CORO2A: variants seen among roughly 807,000 people sequenced by gnomAD.
CORO2A encodes coronin-2A.
CORO2A carries 47 observed loss-of-function variants against 62.4 expected under a neutral mutation model. That is an observed-to-expected ratio of 0.75 (90% CI 0.60 to 0.96). The LOEUF is 0.96. CORO2A is among the 40% of genes least tolerant of loss of function. The pLI is 0.00. For synonymous variants in CORO2A, 273 were observed against 268.9 expected, an observed-to-expected ratio of 1.02 and a Z score of -0.15; for missense variants, 610 against 684.1, an observed-to-expected ratio of 0.89 and a Z score of 1.21.
chr9:98,148,646 C>A (rs7848016), intron 2 of CORO2A, among the ~76,000 whole-genome samples: 141,653 of 151,932 alleles, frequency 0.93, 66,175 homozygotes, highest in African/African-American at 0.98. Flanking sequence ...CAGGAGGCTG[C>A]CGTAAGAGGA....
chr9:98,128,216 G>A lies in CORO2A; in HGVS notation c.1125C>T (p.Ala375=). 1 of 1,613,490 alleles carries A rather than the reference G, an allele frequency of 6.2e-7. No homozygotes were observed. The highest frequency in any genetic ancestry group is 8.5e-7 in the Non-Finnish European group (1 of 1,179,678). The change falls in exon 10 of 12, where the codon GCC becomes GCT. Residue 375 remains alanine, a synonymous_variant. Transcript: ENST00000375077. ...ACTCCTGGGCCGTCAGGGAGGGCTG[G>A]GCCCCTGCTGTTGGAGGGTATATGT... ...QEDIYPPTAG[A]QPSLTAQEWL...
intron 10 of CORO2A, among the ~76,000 whole-genome samples, chr9:98,127,547 C>T (rs1313489759): frequency 1.3e-5 from 2 of 152,116 alleles, no homozygotes; most frequent in Admixed American, 6.5e-5. Context: ...CCCAGTGGCT[C>T]GCACCTGTAA....
In CORO2A at chr9:98,124,646, G is replaced by A. The variant is rs1827291015; in HGVS notation, c.*128C>T. The A allele has an allele frequency of 1.3e-5, 12 of 959,620 alleles. No homozygotes were observed. The South Asian group carries it at 2.2e-4, about 18-fold the overall frequency. 59.4% of individuals were successfully genotyped at this position (959,620 alleles called of 1,614,324 possible). On this transcript the variant is annotated 3_prime_UTR_variant, in exon 12 of 12. Transcript: ENST00000375077. ...CCCACTGGAATCTCTTTCAGCGATG[G>A]AGAGTTTTGTTTTCTGGTAAAAAAT...
intron 1 of CORO2A, among the ~76,000 whole-genome samples, chr9:98,176,100 C>T (rs1392326360): frequency 1.3e-5 from 2 of 152,052 alleles, no homozygotes; most frequent in African/African-American, 2.4e-5. Flanking sequence ...TTCCTCAAAG[C>T]GGCAATATCA....
rs955007164 is a variant in CORO2A, at chr9:98,124,714, C to G, written c.*60G>C. 6.0e-6 allele frequency: 9 copies of G among 1,500,632 alleles called. No individual in the cohort carries two copies. The highest frequency in any genetic ancestry group is 7.2e-6 in the Non-Finnish European group (8 of 1,118,836). The allele number at this position is 1,500,632 out of a possible 1,614,324, so 93.0% of individuals were successfully genotyped here. ...CCTTGAGGGGACTTGTGGTTTGGTT[C>G]TAAACCTCCCCATGGAGCCGAGTGG... On this transcript the variant is annotated 3_prime_UTR_variant, in exon 12 of 12. Coordinates refer to ENST00000375077, the MANE Select transcript of CORO2A (RefSeq NM_052820.4).
intron 2 of CORO2A, among the ~76,000 whole-genome samples, chr9:98,144,322 A>G (rs1320251536): frequency 6.6e-6 from 1 of 152,214 alleles, no homozygotes; most frequent in Non-Finnish European, 1.5e-5. Flanking sequence ...TAGTACAAGA[A>G]TTCCCCATTT....
chr9:98,144,823 A>G (rs941418900), intron 2 of CORO2A, among the ~76,000 whole-genome samples: 1 of 152,016 alleles, frequency 6.6e-6, no homozygotes, highest in Non-Finnish European at 1.5e-5. Context: ...GAGGAGGCTG[A>G]GCAAGAGGGG....
At chr9:98,159,284 A>T (rs1827851070) in intron 1 of CORO2A, among the ~76,000 whole-genome samples, 1 of 151,978 alleles carries the variant, frequency 6.6e-6, no homozygotes, top group South Asian at 2.1e-4. Flanking sequence ...CCTGATCTCA[A>T]GCAATTCTCC....
At chr9:98,139,889 G>A (rs932482030) in intron 2 of CORO2A, among the ~76,000 whole-genome samples, 1 of 152,172 alleles carries the variant, frequency 6.6e-6, no homozygotes. Flanking sequence ...CTTTCCTAAT[G>A]AGAATTCCTG....
chr9:98,144,826 A>G (rs149327659), intron 2 of CORO2A, among the ~76,000 whole-genome samples: 26 of 152,092 alleles, frequency 1.7e-4, no homozygotes, highest in African/African-American at 5.3e-4. Flanking sequence ...GAGGCTGAGC[A>G]AGAGGGGTGA....
At chr9:98,130,898 C>G (rs1462902597) in intron 7 of CORO2A, 57 bp downstream of exon 7, 3 of 1,411,676 alleles carry the variant, frequency 2.1e-6, no homozygotes, top group Admixed American at 3.6e-5. Flanking sequence ...CCCCAGGCTG[C>G]TGTCTGCCGC....
chr9:98,150,515 A>G (rs572674343), intron 2 of CORO2A, among the ~76,000 whole-genome samples: 1 of 152,258 alleles, frequency 6.6e-6, no homozygotes, highest in South Asian at 2.1e-4. Flanking sequence ...TCACCTTCCC[A>G]GGAATGCCTT....
rs189613966 is a variant in CORO2A, at chr9:98,127,471, A to G, written c.1172-648T>C. ...GGCTCAGGACAGGCAGAGTGGGCAG[A>G]GGGACCTGGGTGGGGGTTGCTGCCT... On this transcript the variant is annotated intron_variant, in intron 10 of 11. Coordinates refer to ENST00000375077, the MANE Select transcript of CORO2A (RefSeq NM_052820.4). 7.9e-3 allele frequency among the ~76,000 whole-genome samples: 1,204 copies of G among 152,188 alleles called. 9 individuals carry two copies. Among genetic ancestry groups the G allele is most frequent in the Non-Finnish European group, 0.012 (848 of 67,994 alleles).
intron 1 of CORO2A, among the ~76,000 whole-genome samples, chr9:98,173,981 T>G (rs1393812093): frequency 6.6e-6 from 1 of 152,116 alleles, no homozygotes; most frequent in Non-Finnish European, 1.5e-5. Context: ...CCGGGCGTGG[T>G]GGCGCATGCC....
chr9:98,173,664 G>A (rs1180394634), intron 1 of CORO2A, among the ~76,000 whole-genome samples: 3 of 152,248 alleles, frequency 2.0e-5, no homozygotes, highest in African/African-American at 4.8e-5. Flanking sequence ...CACCTATTGC[G>A]TCTGCTGTCC....
At chr9:98,142,846 C>T (rs548742978) in intron 2 of CORO2A, among the ~76,000 whole-genome samples, 1 of 142,212 alleles carries the variant, frequency 7.0e-6, no homozygotes, top group Non-Finnish European at 1.5e-5. Context: ...CCTGCCCTGC[C>T]CTGCCCTGCG....
chr9:98,123,903 G>C lies in CORO2A; in HGVS notation c.*871C>G, dbSNP rs1027016127. The C allele has an allele frequency of 3.3e-5, 5 of 151,358 alleles. No individual in the cohort carries two copies. Among genetic ancestry groups the C allele is most frequent in the African/African-American group, 1.2e-4 (5 of 41,122 alleles). 9.4% of individuals were successfully genotyped at this position (151,358 alleles called of 1,614,324 possible). A position where few individuals can be genotyped will look rare whatever the true frequency, so the allele number is the denominator to read the frequency against. The stretch of plus-strand genomic sequence containing the variant: ...CTCCTGACCTCAGAAGATCCGCCCA[G>C]CTTGGCCTCCCAAAGTTCTGGGATT... On this transcript the variant is annotated 3_prime_UTR_variant, in exon 12 of 12. Coordinates refer to ENST00000375077, the MANE Select transcript of CORO2A (RefSeq NM_052820.4).
chr9:98,166,207 A>G (rs1450011976), intron 1 of CORO2A, among the ~76,000 whole-genome samples: 1 of 152,254 alleles, frequency 6.6e-6, no homozygotes, highest in Non-Finnish European at 1.5e-5. Flanking sequence ...GGTTTCTAAC[A>G]TTAACTCAAA....
intron 2 of CORO2A, among the ~76,000 whole-genome samples, chr9:98,141,346 AC>A (rs1827564054): frequency 1.1e-5 from 1 of 94,322 alleles, no homozygotes; most frequent in Admixed American, 9.7e-5. Context: ...GGGACCACTG[AC>A]CCTTTTTTTT....
Sources: allele counts gnomAD v4.1 joint callset (sites outside exome capture counted in the v4.1 genomes callset), GRCh38; gene constraint gnomAD v4.1.1; transcripts MANE v1.5; gene names NCBI Gene and HGNC (gene_info 2026-07-23, HGNC 2026-07-21).